FAF1: variants seen among roughly 807,000 people sequenced by gnomAD.
FAF1 encodes the protein Fas associated factor 1.
Under a neutral mutation model 92.5 loss-of-function variants are expected in FAF1, and 25 were observed. The observed-to-expected ratio is 0.27, with a 90% CI of 0.20 to 0.38. The LOEUF (loss-of-function observed/expected upper bound fraction) is 0.38. Among genes scored for constraint, FAF1 ranks in the 10% least tolerant of loss-of-function variants. The pLI is 1.00. For missense variants in FAF1, 636 were observed against 793.3 expected, an observed-to-expected ratio of 0.80 and a Z score of 2.38; for synonymous variants, 234 against 273.2, an observed-to-expected ratio of 0.86 and a Z score of 1.42.
chr1:50,594,139 C>T (rs1279362576), intron 9 of FAF1, among the ~76,000 whole-genome samples: 1 of 151,708 alleles, frequency 6.6e-6, no homozygotes, highest in African/African-American at 2.4e-5. Context: ...ATAGTGAAAC[C>T]CCGTCTCTAT....
At chr1:50,489,946 T>C (rs1646810966) in intron 17 of FAF1, among the ~76,000 whole-genome samples, 1 of 152,184 alleles carries the variant, frequency 6.6e-6, no homozygotes, top group African/African-American at 2.4e-5. Context: ...ATGAATCTAG[T>C]ACAAGATCAA....
intron 1 of FAF1, among the ~76,000 whole-genome samples, chr1:50,952,448 C>T (rs1389762281): frequency 3.3e-5 from 5 of 152,198 alleles, no homozygotes; most frequent in Middle Eastern, 3.2e-3. Context: ...GGCGTGATCT[C>T]GGCTCGCTAC....
Position 50,583,010 on chromosome 1 carries a change from T to C in FAF1, c.1032-311A>G, listed in dbSNP as rs1458844403. 6.6e-6 allele frequency among the ~76,000 whole-genome samples: 1 copy of C among 152,080 alleles called. No individual in the cohort carries two copies. Among genetic ancestry groups the C allele is most frequent in the African/African-American group, 2.4e-5 (1 of 41,454 alleles). ...CTTTCATATGATTTTACTAGTTACA[T>C]TAGCCTTATTTTCCCACTTCAGTTC... On this transcript the variant is annotated intron_variant, in intron 11 of 18. Coordinates refer to ENST00000396153, the MANE Select transcript of FAF1 (RefSeq NM_007051.3). This position sits in a 1 kb window ranked among gnomAD's most constrained non-coding sequence, Gnocchi z 4.2.
intron 1 of FAF1, among the ~76,000 whole-genome samples, chr1:50,953,325 C>T (rs1645235797): frequency 6.6e-6 from 1 of 151,932 alleles, no homozygotes; most frequent in African/African-American, 2.4e-5. Flanking sequence ...GCTGACCTTC[C>T]CTCCACTATT....
intron 4 of FAF1, among the ~76,000 whole-genome samples, chr1:50,767,944 T>C (rs72690487): frequency 1.6e-4 from 25 of 152,176 alleles, no homozygotes; most frequent in Non-Finnish European, 2.6e-4. Flanking sequence ...TCCACACCTA[T>C]CAATATAAAC....
intron 8 of FAF1, among the ~76,000 whole-genome samples, chr1:50,613,017 CT>C (rs773774958): frequency 6.6e-6 from 1 of 152,182 alleles, no homozygotes; most frequent in African/African-American, 2.4e-5. Context: ...CCATGGGGCT[CT>C]TAGTAGGTTG....
intron 7 of FAF1, among the ~76,000 whole-genome samples, chr1:50,697,229 A>G (rs977412971): frequency 5.9e-5 from 9 of 152,170 alleles, no homozygotes; most frequent in African/African-American, 1.9e-4. Flanking sequence ...TTTTCTTGCA[A>G]TTGATTGTGG....
intron 4 of FAF1, among the ~76,000 whole-genome samples, chr1:50,777,766 C>G (rs1475915558): frequency 3.3e-5 from 5 of 149,284 alleles, no homozygotes; most frequent in Admixed American, 1.3e-4. Flanking sequence ...AAAGGAAATT[C>G]AGAAAGGATC....
chr1:50,485,867 A>AGT (rs1372861718), intron 17 of FAF1, among the ~76,000 whole-genome samples: 1 of 151,936 alleles, frequency 6.6e-6, no homozygotes, highest in Admixed American at 6.6e-5. Flanking sequence ...GGGGAGAGAG[A>AGT]GAGAGAACAA....
chr1:50,933,056 A>G (rs931088330), intron 1 of FAF1, among the ~76,000 whole-genome samples: 1 of 152,110 alleles, frequency 6.6e-6, no homozygotes, highest in Non-Finnish European at 1.5e-5. Flanking sequence ...CCGGCCCACA[A>G]AACCACTTTT....
At chr1:50,906,359 C>T (rs1644838628) in intron 1 of FAF1, among the ~76,000 whole-genome samples, 1 of 152,172 alleles carries the variant, frequency 6.6e-6, no homozygotes. Flanking sequence ...CTTGGCAATG[C>T]AGGCTCTTTT....
chr1:50,697,549 A>G (rs1473494001), intron 7 of FAF1, among the ~76,000 whole-genome samples: 1 of 152,136 alleles, frequency 6.6e-6, no homozygotes, highest in Non-Finnish European at 1.5e-5. Flanking sequence ...GAGCAACTTA[A>G]AACAAATTTC....
intron 18 of FAF1, among the ~76,000 whole-genome samples, chr1:50,455,389 G>A (rs935957447): frequency 1.3e-5 from 2 of 152,212 alleles, no homozygotes; most frequent in African/African-American, 4.8e-5. Flanking sequence ...ATAAATAAAT[G>A]TGAAATATTG....
rs373183379 is a variant in FAF1 at position 50,846,797 on chromosome 1, C to G, written c.114+11132G>C. The G allele has an allele frequency of 1.1e-4, 74 of 684,790 alleles. No homozygotes were observed. In the African/African-American group the frequency reaches 1.2e-3, roughly 11 times the overall value. The allele number at this position is 684,790 out of a possible 1,614,324, so 42.4% of individuals were successfully genotyped here. ...AAGAATGTGAAGGGATTGTCCCAAT[C>G]CCACTTAAAGGAAAATTATATTACA... On this transcript the variant is annotated intron_variant, in intron 2 of 18. Transcript: ENST00000396153.
At chr1:50,874,754 C>CTTTTT in intron 1 of FAF1, among the ~76,000 whole-genome samples, 1 of 100,768 alleles carries the variant, frequency 9.9e-6, no homozygotes, top group Non-Finnish European at 2.1e-5. Context: ...ATTTTCTTTT[C>CTTTTT]TTTCTTTTTT....
intron 9 of FAF1, among the ~76,000 whole-genome samples, chr1:50,586,276 A>C (rs1463995040): frequency 6.6e-6 from 1 of 152,166 alleles, no homozygotes; most frequent in African/African-American, 2.4e-5. Flanking sequence ...TGGGGAGCTT[A>C]ATGCTCTTGG....
At chr1:50,544,495 C>G (rs1327276072) in intron 13 of FAF1, among the ~76,000 whole-genome samples, 1 of 152,136 alleles carries the variant, frequency 6.6e-6, no homozygotes, top group African/African-American at 2.4e-5. Context: ...GCTTTCTGGA[C>G]ACAGGACTCT....
Position 50,441,340 on chromosome 1 carries a change from TTGAG to T in FAF1, c.*96_*99del. 1.6e-6 allele frequency: 1 copy of T among 615,942 alleles called. No individual in the cohort carries two copies. The highest frequency in any genetic ancestry group is 2.8e-6 in the Non-Finnish European group (1 of 358,450). 38.2% of individuals were successfully genotyped at this position (615,942 alleles called of 1,614,324 possible). On this transcript the variant is annotated 3_prime_UTR_variant, in exon 19 of 19. Coordinates refer to ENST00000396153, the MANE Select transcript of FAF1 (RefSeq NM_007051.3). ...CAAGAGGCAGAAGTGTGACATTGAATTGAGTGAGACGAGCGTGTGGGTGGGTTGG... is the reference window on the plus strand; with the variant it reads ...CAAGAGGCAGAAGTGTGACATTGAATTGAGACGAGCGTGTGGGTGGGTTGG...
At position 50,559,438 on chromosome 1, in the gene FAF1, G is replaced by A. The variant is rs963896317; in HGVS notation, c.1268+7639C>T. 3.3e-5 allele frequency among the ~76,000 whole-genome samples: 5 copies of A among 152,076 alleles called. No individual in the cohort carries two copies. The East Asian group carries it at 9.6e-4, about 29-fold the overall frequency. On this transcript the variant is annotated intron_variant, in intron 13 of 18. Coordinates refer to ENST00000396153, the MANE Select transcript of FAF1 (RefSeq NM_007051.3). ...CACAAGTGTACCCTTGGACAATGCT[G>A]AGCAGTAATTATGACTTGCTGACAA... is the stretch of plus-strand genomic sequence containing the variant.
Sources: gnomAD v4.1 joint callset for allele counts (sites outside exome capture counted in the v4.1 genomes callset) on GRCh38, gnomAD v4.1.1 for gene constraint, Gnocchi (gnomAD v3.1) non-coding constraint, MANE v1.5 for transcripts, NCBI Gene and HGNC (gene_info 2026-07-23, HGNC 2026-07-21) for gene names.